CERS1: variants seen among roughly 807,000 people sequenced by gnomAD.
CERS1 encodes the protein Embryonic growth/differentiation factor 1.
A neutral mutation model predicts 35.7 loss-of-function variants in CERS1; 16 were observed. The observed-to-expected ratio is 0.45, with a 90% confidence interval of 0.30 to 0.68. CERS1 has a LOEUF of 0.68. CERS1 is among the 30% of genes least tolerant of loss of function. The pLI is 0.08. For synonymous variants in CERS1, 243 were observed against 201.6 expected, an observed-to-expected ratio of 1.21 and a Z score of -1.74; for missense variants, 454 against 453.9, an observed-to-expected ratio of 1.00 and a Z score of 0.00.
At chr19:18,884,453 CTG>C (rs2056300310) in intron 2 of CERS1, among the ~76,000 whole-genome samples, 186 bp from the exon 3 acceptor site, 1 of 150,844 alleles carries the variant, frequency 6.6e-6, no homozygotes, top group Non-Finnish European at 1.5e-5. Flanking sequence ...GAGTCTCCCT[CTG>C]TCGCCCAGGC....
In CERS1 at chr19:18,896,034, G is replaced by T; in HGVS notation, c.39C>A (p.Pro13=). ...AAGPAAGPTG[P]EPMPSYAQLV... is the part of the protein sequence containing the mutation. ...GCTGCGCGTAGCTCGGCATGGGCTCGGGCCCCGTCGGCCCCGCCGCGGGCC... is the reference window on the plus strand; with the variant it reads ...GCTGCGCGTAGCTCGGCATGGGCTCTGGCCCCGTCGGCCCCGCCGCGGGCC... The change falls in exon 1 of 8, where the codon CCC becomes CCA. Residue 13 remains proline (P), a synonymous_variant. Coordinates refer to ENST00000623882, the MANE Select transcript of CERS1 (RefSeq NM_021267.5). The surrounding 1 kb of genome is among the most constrained non-coding windows in gnomAD (Gnocchi z 5.9). 1 of 992,064 alleles carries T rather than the reference G, an allele frequency of 1.0e-6. No homozygotes were observed. The highest frequency in any genetic ancestry group is 1.2e-6 in the Non-Finnish European group (1 of 835,994). The allele number at this position is 992,064 out of a possible 1,614,324, so 61.5% of individuals were successfully genotyped here.
intron 6 of CERS1, among the ~76,000 whole-genome samples, chr19:18,872,801 G>A (rs538799617): frequency 4.0e-5 from 6 of 151,196 alleles, no homozygotes; most frequent in African/African-American, 7.3e-5. Flanking sequence ...AGGCGTGAGC[G>A]CCGCGCCTGG....
In CERS1 at chr19:18,868,939, C is replaced by A; in HGVS notation, c.*1046G>T. ...GACAAGCGCCCCCGGGGCCGCCGCC[C>A]AACACGGGTTCGGCGTCGCGCCGCG... On this transcript the variant is annotated 3_prime_UTR_variant, in exon 8 of 8. Transcript: ENST00000623882. 1 of 1,279,578 alleles carries A rather than the reference C, an allele frequency of 7.8e-7. No homozygotes were observed. The highest frequency in any genetic ancestry group is 1.6e-5 in the South Asian group (1 of 60,916). 79.3% of individuals were successfully genotyped at this position (1,279,578 alleles called of 1,614,324 possible). A position where few individuals can be genotyped will look rare whatever the true frequency, so the allele number is the denominator to read the frequency against.
intron 6 of CERS1, chr19:18,877,955 A>G: frequency 4.1e-6 from 4 of 983,482 alleles, no homozygotes; most frequent in Non-Finnish European, 4.8e-6. Context: ...TCTACACCCA[A>G]GGCGAATCTG....
intron 2 of CERS1, among the ~76,000 whole-genome samples, chr19:18,887,075 AG>A (rs1321511116): frequency 6.6e-6 from 1 of 152,272 alleles, no homozygotes; most frequent in Non-Finnish European, 1.5e-5. Flanking sequence ...TGTCTACAGC[AG>A]CACACAACCA....
rs1423025208 is a variant in CERS1 at position 18,878,857 on chromosome 19, G to A, written c.1010+73C>T. 6.4e-6 allele frequency: 10 copies of A among 1,563,908 alleles called. No homozygotes were observed. Among genetic ancestry groups the A allele is most frequent in the East Asian group, 2.3e-5 (1 of 42,730 alleles). ...CCTCATCTGCTGCTGGGTCTTGGGG[G>A]CCTGCCCACGAACACGCTTGGACGG... On this transcript the variant is annotated intron_variant, in intron 6 of 7. Coordinates refer to ENST00000623882, the MANE Select transcript of CERS1 (RefSeq NM_021267.5). This position sits in a 1 kb window ranked among gnomAD's most constrained non-coding sequence, Gnocchi z 4.6.
intron 1 of CERS1, among the ~76,000 whole-genome samples, chr19:18,893,889 A>AG (rs1324013087): frequency 2.7e-5 from 4 of 150,128 alleles, no homozygotes; most frequent in Admixed American, 6.6e-5. Context: ...TGGATGCGTC[A>AG]GCCCAAGGGA....
chr19:18,872,035 C>A (rs1009929825), intron 6 of CERS1, among the ~76,000 whole-genome samples: 4 of 152,222 alleles, frequency 2.6e-5, no homozygotes, highest in Non-Finnish European at 5.9e-5. Context: ...GGTCCCCGTG[C>A]TTTCCATTCC....
intron 4 of CERS1, 27 bp from the exon 5 acceptor site, chr19:18,879,415 T>C: frequency 1.9e-6 from 3 of 1,551,582 alleles, no homozygotes; most frequent in Non-Finnish European, 2.6e-6. Context: ...CAGGAGGCCG[T>C]GGGTGGAGGG....
At position 18,895,849 on chromosome 19, in the gene CERS1, G is replaced by T. The variant is rs1210908826; in HGVS notation, c.224C>A (p.Ser75Tyr). 3.1e-6 allele frequency: 4 copies of T among 1,298,294 alleles called. No individual in the cohort carries two copies. Among genetic ancestry groups the T allele is most frequent in the South Asian group, 3.9e-5 (2 of 51,532 alleles). 80.4% of individuals were successfully genotyped at this position (1,298,294 alleles called of 1,614,324 possible). A position where few individuals can be genotyped will look rare whatever the true frequency, so the allele number is the denominator to read the frequency against. ...LGALGWTALR[S>Y]AATARLFRPL... is the part of the protein sequence containing the mutation. ...CCGAAAGAGGCGCGCAGTGGCCGCGGAGCGCAGGGCGGTCCAGCCCAGCGC... is the reference window on the plus strand; with the variant it reads ...CCGAAAGAGGCGCGCAGTGGCCGCGTAGCGCAGGGCGGTCCAGCCCAGCGC... Residue 75 changes from serine (S) to tyrosine (Y), a missense_variant, in exon 1 of 8, where the codon TCC becomes TAC. Ser to Tyr is a moderately radical substitution (Grantham distance 144). Transcript: ENST00000623882. The surrounding 1 kb of genome is among the most constrained non-coding windows in gnomAD (Gnocchi z 6.4).
chr19:18,892,394 C>T (rs1488928938), intron 2 of CERS1, among the ~76,000 whole-genome samples: 1 of 151,920 alleles, frequency 6.6e-6, no homozygotes, highest in East Asian at 2.0e-4. Context: ...GCGGGCAGAT[C>T]ATGAGATCAG....
At chr19:18,883,352 A>G (rs2056261737) in intron 3 of CERS1, 2 of 152,148 alleles carry the variant, frequency 1.3e-5, no homozygotes, top group Admixed American at 6.5e-5. Flanking sequence ...TATATCCAAA[A>G]TATTGTCATT....
chr19:18,889,952 T>C (rs2056451531), intron 2 of CERS1, among the ~76,000 whole-genome samples: 1 of 152,154 alleles, frequency 6.6e-6, no homozygotes, highest in Non-Finnish European at 1.5e-5. Flanking sequence ...GCCACTTTGC[T>C]CCCATCCCCT....
intron 2 of CERS1, among the ~76,000 whole-genome samples, chr19:18,887,429 G>C (rs114327388): frequency 2.0e-5 from 3 of 152,146 alleles, no homozygotes; most frequent in African/African-American, 4.8e-5. Flanking sequence ...CTAGACAGAG[G>C]GGGTGGTTGA....
intron 3 of CERS1, chr19:18,881,552 C>G: frequency 6.6e-6 from 1 of 152,054 alleles, no homozygotes; most frequent in East Asian, 1.9e-4. Flanking sequence ...GAAGGCCATC[C>G]CCTGTCCTTC....
In CERS1 at chr19:18,870,025, G is replaced by T; in HGVS notation, c.*552C>A. 6.3e-7 allele frequency: 1 copy of T among 1,597,152 alleles called. No individual in the cohort carries two copies. On this transcript the variant is annotated 3_prime_UTR_variant, in exon 7 of 8. Coordinates refer to ENST00000623882, the MANE Select transcript of CERS1 (RefSeq NM_021267.5). This position sits in a 1 kb window ranked among gnomAD's most constrained non-coding sequence, Gnocchi z 5.1. ...CGCACGATGTTTCCGGCGACCCCCA[G>T]CTCCTCCACGTGGCACGGTTGCAGG...
rs778227106 is a variant in CERS1, at chr19:18,879,305, G to C, written c.836C>G (p.Pro279Arg). The change falls in exon 5 of 8, where the codon CCC becomes CGC. Residue 279 changes from proline to arginine, a missense_variant. Physicochemically the swap from Pro to Arg is moderately radical, Grantham distance 103 (BLOSUM62 -2). Transcript: ENST00000623882. ...HCSLRTVPDIPFYFFFNALLL... is the reference protein window; with the variant it reads ...HCSLRTVPDIRFYFFFNALLL... ...GAGCGCATTGAAGAAGAAGTAGAAG[G>C]GGATGTCAGGCACCGTGCGCAGACT... 3 of 1,612,660 alleles carry C rather than the reference G, an allele frequency of 1.9e-6. No homozygotes were observed. In the African/African-American group the frequency reaches 4.0e-5, roughly 22 times the overall value.
intron 2 of CERS1, among the ~76,000 whole-genome samples, chr19:18,889,150 C>G (rs2056434637): frequency 6.6e-6 from 1 of 152,012 alleles, no homozygotes; most frequent in Non-Finnish European, 1.5e-5. Flanking sequence ...CCTCAGCCTC[C>G]CAAAATGCTA....
Position 18,870,423 on chromosome 19 carries a change from G to A in CERS1, c.*154C>T. On this transcript the variant is annotated 3_prime_UTR_variant, in exon 7 of 8. Coordinates refer to ENST00000623882, the MANE Select transcript of CERS1 (RefSeq NM_021267.5). This position sits in a 1 kb window ranked among gnomAD's most constrained non-coding sequence, Gnocchi z 5.1. ...CAGGGGTCCTGGGGGGCGTGGCCGG[G>A]AACTGGAGGCAGGATGAGGGGGCGG... The A allele has an allele frequency of 1.8e-6, 2 of 1,114,780 alleles. No homozygotes were observed. Among genetic ancestry groups the A allele is most frequent in the Non-Finnish European group, 2.6e-6 (2 of 782,634 alleles). The allele number at this position is 1,114,780 out of a possible 1,614,324, so 69.1% of individuals were successfully genotyped here.
Sources: gnomAD v4.1 joint callset for allele counts (sites outside exome capture counted in the v4.1 genomes callset) on GRCh38, gnomAD v4.1.1 for gene constraint, Gnocchi (gnomAD v3.1) non-coding constraint, MANE v1.5 for transcripts, NCBI Gene and HGNC (gene_info 2026-07-23, HGNC 2026-07-21) for gene names.